Variants in BLTP1 observed in about 807,000 individuals in gnomAD.
The protein encoded by BLTP1 is bridge-like lipid transfer protein family member 1, also known as fragile site-associated protein.
the BLTP1 span, chr4:122,174,170 C>T: frequency 1.7e-5 from 17 of 983,948 alleles, no homozygotes; most frequent in Non-Finnish European, 2.1e-5. Context: ...TTTTAGTCGA[C>T]ATAAAACTTC....
At chr4:122,180,126 G>A in the BLTP1 span, 5 of 985,056 alleles carry the variant, frequency 5.1e-6, no homozygotes, top group Non-Finnish European at 6.0e-6. Context: ...GGATTCTTCA[G>A]GAACTGGACA....
the BLTP1 span, chr4:122,175,327 A>G: frequency 1.1e-6 from 1 of 906,408 alleles, no homozygotes; most frequent in Non-Finnish European, 1.3e-6. Context: ...CAGAGACTGT[A>G]AGTTCATCCT....
chr4:122,273,688 G>A, the BLTP1 span, among the ~76,000 whole-genome samples: 46 of 152,000 alleles, frequency 3.0e-4, no homozygotes, highest in African/African-American at 1.0e-3. Context: ...TCAGCAATTC[G>A]AGGTCTGCAA....
chr4:122,250,360 A>T, the BLTP1 span: 1 of 1,592,952 alleles, frequency 6.3e-7, no homozygotes, highest in Admixed American at 1.7e-5. Flanking sequence ...TTATTTTTAT[A>T]GGAGGAAGAC....
chr4:122,239,577 G>C, the BLTP1 span: 2 of 1,613,912 alleles, frequency 1.2e-6, no homozygotes, highest in Admixed American at 1.7e-5. Context: ...TAAGTCAGTA[G>C]GTCAATCTCC....
At chr4:122,348,020 C>G in the BLTP1 span, among the ~76,000 whole-genome samples, 1 of 151,842 alleles carries the variant, frequency 6.6e-6, no homozygotes, top group Non-Finnish European at 1.5e-5. Context: ...GAGGAATTAG[C>G]ATATTGTTTG....
the BLTP1 span, chr4:122,220,421 T>C: frequency 1.9e-6 from 3 of 1,612,240 alleles, no homozygotes; most frequent in Admixed American, 3.4e-5. Flanking sequence ...GAGACCATGC[T>C]GCAACTTATC....
the BLTP1 span, chr4:122,266,904 C>T: frequency 6.2e-7 from 1 of 1,609,964 alleles, no homozygotes. Flanking sequence ...TGCCTCAGAG[C>T]AGATATTGTG....
chr4:122,261,907 A>G, the BLTP1 span: 14 of 985,276 alleles, frequency 1.4e-5, no homozygotes, highest in East Asian at 1.1e-4. Context: ...TGAAAAGGGA[A>G]TAAGCTTTTC....
At chr4:122,266,947 A>C in the BLTP1 span, 1 of 1,567,978 alleles carries the variant, frequency 6.4e-7, no homozygotes, top group Non-Finnish European at 8.6e-7. Context: ...GAAAAGGCAA[A>C]AGAGCAAGAA....
At chr4:122,310,378 A>T in the BLTP1 span, among the ~76,000 whole-genome samples, 1 of 152,114 alleles carries the variant, frequency 6.6e-6, no homozygotes, top group African/African-American at 2.4e-5. Flanking sequence ...AAGACCAATT[A>T]ATGAGAGAAA....
chr4:122,344,091 C>T, the BLTP1 span: 1 of 578,340 alleles, frequency 1.7e-6, no homozygotes, highest in Non-Finnish European at 2.2e-6. Context: ...TAGTAACTAA[C>T]TCTTGACTTG....
chr4:122,347,430 T>G, the BLTP1 span: 28 of 1,467,504 alleles, frequency 1.9e-5, no homozygotes, highest in Non-Finnish European at 2.3e-5. Flanking sequence ...GTAATGTGAT[T>G]AGAAATGATG....
At chr4:122,258,112 A>G in the BLTP1 span, among the ~76,000 whole-genome samples, 1 of 152,218 alleles carries the variant, frequency 6.6e-6, no homozygotes, top group Non-Finnish European at 1.5e-5. Context: ...GATAGTGGAT[A>G]TACATTTATG....
chr4:122,228,912 T>C, the BLTP1 span, among the ~76,000 whole-genome samples: 1 of 152,214 alleles, frequency 6.6e-6, no homozygotes, highest in South Asian at 2.1e-4. Context: ...TGGTGCATGC[T>C]TACTTATTGT....
chr4:122,254,441 G>A, the BLTP1 span: 24 of 1,295,602 alleles, frequency 1.9e-5, no homozygotes, highest in Non-Finnish European at 2.3e-5. Context: ...TTACTTTTCT[G>A]GTATATATAG....
At chr4:122,265,932 G>A in the BLTP1 span, among the ~76,000 whole-genome samples, 2 of 152,296 alleles carry the variant, frequency 1.3e-5, no homozygotes, top group South Asian at 4.2e-4. Flanking sequence ...CTGACCTCGT[G>A]ATCCACCTGC....
the BLTP1 span, among the ~76,000 whole-genome samples, chr4:122,156,598 G>T: frequency 1.3e-5 from 2 of 152,202 alleles, no homozygotes; most frequent in African/African-American, 4.8e-5. Flanking sequence ...CATGGATGTT[G>T]AAATAGCTAA....
At chr4:122,293,359 G>A in the BLTP1 span, 1 of 190,624 alleles carries the variant, frequency 5.2e-6, no homozygotes, top group Non-Finnish European at 9.7e-6. Flanking sequence ...TAGGCAGACA[G>A]CTCCACCACG....
Sources: allele counts gnomAD v4.1 joint callset (sites outside exome capture counted in the v4.1 genomes callset), GRCh38; gene constraint gnomAD v4.1.1; transcripts MANE v1.5; gene names NCBI Gene and HGNC (gene_info 2026-07-23, HGNC 2026-07-21).